Variants in RC3H2 observed in about 807,000 individuals in gnomAD.
RC3H2 encodes roquin-2.
A neutral mutation model predicts 133.3 loss-of-function variants in RC3H2; 31 were observed. The ratio of observed to expected loss-of-function variants is 0.23; its 90% CI spans 0.17 to 0.31. RC3H2 has a LOEUF of 0.31. Ranked by LOEUF, RC3H2 falls within the 10% of genes least tolerant of loss-of-function variation. RC3H2 has a pLI of 1.00. For missense variants in RC3H2, 1,175 were observed against 1,437.2 expected (o/e 0.82, Z 2.95); for synonymous variants, 517 against 502.2 (o/e 1.03, Z -0.40).
Position 122,865,616 on chromosome 9 carries a change from G to C in RC3H2, c.1367C>G (p.Thr456Arg). 1 of 1,613,710 alleles carries C rather than the reference G, an allele frequency of 6.2e-7. No individual in the cohort carries two copies. Among genetic ancestry groups the C allele is most frequent in the Non-Finnish European group, 8.5e-7 (1 of 1,179,992 alleles). Residue 456 changes from threonine (T) to arginine (R), a missense_variant, in exon 10 of 21, where the codon ACG becomes AGG. Around this residue, in one of 8 missense-constraint regions of RC3H2, gnomAD observed 490 missense variants for 492.8 expected, o/e 0.99. Transcript: ENST00000357244. ...RNKKINATVR[T>R]FPLLNKVGVN... ...ACCAACTTTATTTAGAAGAGGAAAC[G>C]TTCTTACAGTGGCATTGATCTTTTT...
At chr9:122,870,405 CAAACAAACAA>C (rs1273134257) in intron 9 of RC3H2, among the ~76,000 whole-genome samples, 9 of 70,020 alleles carry the variant, frequency 1.3e-4, no homozygotes, top group East Asian at 5.0e-4. Flanking sequence ...AACAAACAAA[CAAACAAACAA>C]AAAAAAAACA....
At chr9:122,882,204 AC>A (rs2131466082) in intron 5 of RC3H2, among the ~76,000 whole-genome samples, 1 of 152,356 alleles carries the variant, frequency 6.6e-6, no homozygotes, top group South Asian at 2.1e-4. Flanking sequence ...TTCAAAAGAT[AC>A]AGAGTTTTAC....
chr9:122,860,349 G>A (rs534975727), intron 10 of RC3H2, among the ~76,000 whole-genome samples: 2 of 151,634 alleles, frequency 1.3e-5, no homozygotes, highest in South Asian at 2.1e-4. Context: ...TGGGCCACAG[G>A]GAATAAAAAC....
Position 122,851,338 on chromosome 9 carries a change from T to A in RC3H2, c.3216A>T (p.Gln1072His), listed in dbSNP as rs988607846. Residue 1072 changes from glutamine to histidine, a missense_variant, in exon 19 of 21, where the codon CAA (glutamine) becomes CAT (histidine). This residue lies in a region of RC3H2 where 220 missense variants were observed against 201.1 expected (regional missense o/e 1.09). Coordinates refer to ENST00000357244, the MANE Select transcript of RC3H2 (RefSeq NM_001100588.3). ...SALDTDEPDGQSEPIEEILDI... is the reference protein window; with the variant it reads ...SALDTDEPDGHSEPIEEILDI... ...TGGCACTTACTTCAATTGGTTCACT[T>A]TGTCCATCAGGTTCATCAGTATCAA... 5 of 1,614,146 alleles carry A rather than the reference T, an allele frequency of 3.1e-6. No homozygotes were observed. Among genetic ancestry groups the A allele is most frequent in the Middle Eastern group, 1.6e-4 (1 of 6,062 alleles).
chr9:122,887,102 C>T (rs60753674), intron 4 of RC3H2, among the ~76,000 whole-genome samples: 32,187 of 152,070 alleles, frequency 0.21, 4,798 homozygotes, highest in East Asian at 0.65. Context: ...CCAGTAACCT[C>T]TCGTCTAATG....
intron 9 of RC3H2, chr9:122,875,345 A>C: frequency 6.4e-7 from 1 of 1,550,580 alleles, no homozygotes; most frequent in Non-Finnish European, 8.7e-7. Flanking sequence ...ACAACAATGA[A>C]GATATAGTCC....
In RC3H2 at chr9:122,865,423, G is replaced by C. The variant is rs1463786314; in HGVS notation, c.1560C>G (p.Thr520=). 13 of 1,614,012 alleles carry C rather than the reference G, an allele frequency of 8.1e-6. 1 individual carries two copies. In the South Asian group the frequency reaches 1.2e-4, roughly 15 times the overall value. ...STDSTLRALE[T]VKKVGKVGAN... is the part of the protein sequence containing the mutation. ...CGCCAACCTTTCCCACTTTCTTCAC[G>C]GTCTCCAGAGCTCTTAAGGTACTGT... The change falls in exon 10 of 21, where the codon ACC becomes ACG. Residue 520 remains threonine (T), a synonymous_variant. Coordinates refer to ENST00000357244, the MANE Select transcript of RC3H2 (RefSeq NM_001100588.3).
chr9:122,851,463 C>T, intron 18 of RC3H2, 27 bp from the exon 19 acceptor site: 1 of 1,599,044 alleles, frequency 6.3e-7, no homozygotes, highest in Non-Finnish European at 8.5e-7. Flanking sequence ...TTTTGCTCTC[C>T]CTCTCCCTCT....
intron 1 of RC3H2, among the ~76,000 whole-genome samples, chr9:122,899,828 G>A (rs1832587174): frequency 6.6e-6 from 1 of 152,190 alleles, no homozygotes; most frequent in Non-Finnish European, 1.5e-5. Flanking sequence ...AGGACACTGC[G>A]TGTAGTTTTT....
chr9:122,852,930 G>A (rs1830106520), intron 18 of RC3H2, among the ~76,000 whole-genome samples: 1 of 152,218 alleles, frequency 6.6e-6, no homozygotes, highest in African/African-American at 2.4e-5. Context: ...GCGGTTTTGT[G>A]GAATAGAAAG....
intron 12 of RC3H2, 44 bp downstream of exon 12, chr9:122,858,625 C>T (rs1830338164): frequency 6.5e-7 from 1 of 1,532,936 alleles, no homozygotes; most frequent in Non-Finnish European, 8.9e-7. Flanking sequence ...TGACTCCAGA[C>T]ACTGGGCTGT....
chr9:122,880,127 T>C lies in RC3H2; in HGVS notation c.961-2A>G. On this transcript the variant is annotated splice_acceptor_variant, in intron 6 of 20. Coordinates refer to ENST00000357244, the MANE Select transcript of RC3H2 (RefSeq NM_001100588.3). LOFTEE classifies it high-confidence loss of function. The stretch of plus-strand genomic sequence containing the variant: ...TGCAAATGACTCTGGAGACTGTAGC[T>C]AACAAACAGAAATGAGAATGCTTTT... The C allele has an allele frequency of 6.2e-7, 1 of 1,614,008 alleles. No homozygotes were observed. Among genetic ancestry groups the C allele is most frequent in the Non-Finnish European group, 8.5e-7 (1 of 1,179,906 alleles).
Position 122,905,302 on chromosome 9 carries a change from CTCCACCTCCGCCTCCT to C in RC3H2, c.-276_-261del. ...CCGCGACGGGGCCTCCTCCTCCTCC[CTCCACCTCCGCCTCCT>C]CCTCCTCCTCCTCCTCACCACGGAG... On this transcript the variant is annotated 5_prime_UTR_variant, in exon 1 of 21. Transcript: ENST00000357244. 1.0e-6 allele frequency: 1 copy of C among 985,364 alleles called. No homozygotes were observed. The highest frequency in any genetic ancestry group is 1.2e-6 in the Non-Finnish European group (1 of 829,644). 61.0% of individuals were successfully genotyped at this position (985,364 alleles called of 1,614,324 possible). A position where few individuals can be genotyped will look rare whatever the true frequency, so the allele number is the denominator to read the frequency against.
rs547801514 is a variant in RC3H2, at chr9:122,875,272, A to T, written c.1325+2199T>A. The T allele has an allele frequency of 1.2e-5, 18 of 1,550,770 alleles. No homozygotes were observed. The Admixed American group carries it at 3.5e-4, about 30-fold the overall frequency. ...CACACACACTTATCTTCTCTCTATC[A>T]CAATGCTGCTGCTTGTAGAGCTCAT... is the stretch of plus-strand genomic sequence containing the variant. On this transcript the variant is annotated intron_variant, in intron 9 of 20. Coordinates refer to ENST00000357244, the MANE Select transcript of RC3H2 (RefSeq NM_001100588.3).
chr9:122,898,802 A>G (rs370063559), intron 1 of RC3H2, among the ~76,000 whole-genome samples: 11 of 151,978 alleles, frequency 7.2e-5, no homozygotes, highest in Admixed American at 2.0e-4. Flanking sequence ...ATTTAGTAGC[A>G]AAACGATACT....
intron 6 of RC3H2, 199 bp from the exon 7 acceptor site, chr9:122,880,324 G>A (rs780053440): frequency 4.4e-5 from 36 of 816,822 alleles, no homozygotes; most frequent in Non-Finnish European, 7.0e-5. Context: ...AAACTTATAA[G>A]CTGTATTAAC....
intron 11 of RC3H2, among the ~76,000 whole-genome samples, chr9:122,859,331 G>C (rs2792990): frequency 0.73 from 105,603 of 144,170 alleles, 40,286 homozygotes; most frequent in Middle Eastern, 0.87. Context: ...CTGGGCTCAA[G>C]TGATTCTCCT....
chr9:122,880,242 T>G (rs754176128), intron 6 of RC3H2, 117 bp from the exon 7 acceptor site: 1 of 1,158,262 alleles, frequency 8.6e-7, no homozygotes, highest in East Asian at 2.3e-5. Context: ...GATTCCACAG[T>G]AGGAGTATCA....
chr9:122,902,855 A>C (rs1832708431), intron 1 of RC3H2, among the ~76,000 whole-genome samples: 2 of 152,042 alleles, frequency 1.3e-5, no homozygotes. Context: ...TCTCAAAAAA[A>C]AAAAAAAAAA....
Sources: gnomAD v4.1 joint callset for allele counts (sites outside exome capture counted in the v4.1 genomes callset) on GRCh38, gnomAD v4.1.1 for gene constraint, gnomAD v4.1.1 regional missense constraint, MANE v1.5 for transcripts, NCBI Gene and HGNC (gene_info 2026-07-23, HGNC 2026-07-21) for gene names.